Variants in TACR1 observed in about 807,000 individuals in gnomAD.
The protein encoded by TACR1 is substance-P receptor.
A neutral mutation model predicts 35.8 loss-of-function variants in TACR1; 25 were observed. The observed-to-expected ratio is 0.70, with a 90% CI of 0.51 to 0.98. The LOEUF is 0.98. TACR1 is among the 50% of genes least tolerant of loss of function. The pLI, the probability that TACR1 is intolerant of heterozygous loss-of-function variation, is 0.00. For synonymous variants in TACR1, 195 were observed against 206.7 expected (o/e 0.94, Z 0.48); for missense variants, 478 against 522.9 (o/e 0.91, Z 0.84).
At chr2:75,073,599 C>T (rs1473847305) in intron 2 of TACR1, among the ~76,000 whole-genome samples, 1 of 152,154 alleles carries the variant, frequency 6.6e-6, no homozygotes, top group Admixed American at 6.5e-5. Flanking sequence ...ATTTCCTTGG[C>T]TGGTGTCAGG....
At chr2:75,186,331 C>A (rs1254223728) in intron 1 of TACR1, among the ~76,000 whole-genome samples, 1 of 128,916 alleles carries the variant, frequency 7.8e-6, no homozygotes, top group African/African-American at 3.0e-5. Context: ...GAGATCGTGC[C>A]ATTTTACTCC....
At chr2:75,184,133 A>C (rs1675627519) in intron 1 of TACR1, among the ~76,000 whole-genome samples, 1 of 152,242 alleles carries the variant, frequency 6.6e-6, no homozygotes, top group Non-Finnish European at 1.5e-5. Context: ...ATAGTGTGCT[A>C]AAAGGACAAA....
chr2:75,163,278 A>G (rs1675055385), intron 1 of TACR1, among the ~76,000 whole-genome samples: 1 of 152,198 alleles, frequency 6.6e-6, no homozygotes, highest in Non-Finnish European at 1.5e-5. Flanking sequence ...GGCAACTTTT[A>G]TCAATTTTTT....
At chr2:75,095,688 T>C (rs1170379871) in intron 2 of TACR1, among the ~76,000 whole-genome samples, 2 of 152,182 alleles carry the variant, frequency 1.3e-5, no homozygotes, top group Non-Finnish European at 2.9e-5. Flanking sequence ...GCTCGCCTAA[T>C]ATCCAGGAGC....
At chr2:75,175,470 G>T (rs1675389835) in intron 1 of TACR1, among the ~76,000 whole-genome samples, 1 of 152,116 alleles carries the variant, frequency 6.6e-6, no homozygotes, top group African/African-American at 2.4e-5. Flanking sequence ...AGTTTTGCTG[G>T]CTTAAAATAA....
chr2:75,150,823 A>G (rs1674652898), intron 1 of TACR1, among the ~76,000 whole-genome samples: 1 of 152,182 alleles, frequency 6.6e-6, no homozygotes, highest in African/African-American at 2.4e-5. Flanking sequence ...CTTCCTAGAG[A>G]CTTGTTGAAT....
Position 75,175,274 on chromosome 2 carries a change from T to C in TACR1, c.389+23272A>G, listed in dbSNP as rs116454340. The stretch of plus-strand genomic sequence containing the variant: ...GTGGTATTGGTCCTGCACAAGGAAA[T>C]ATTGTCCCACGCCCCAAATGATTTT... On this transcript the variant is annotated intron_variant, in intron 1 of 4. Coordinates refer to ENST00000305249, the MANE Select transcript of TACR1 (RefSeq NM_001058.4). Among the ~76,000 whole-genome samples the C allele has an allele frequency of 2.3e-3, 356 of 152,280 alleles. 2 individuals carry two copies. The highest frequency in any genetic ancestry group is 8.3e-3 in the African/African-American group (346 of 41,564).
intron 2 of TACR1, among the ~76,000 whole-genome samples, chr2:75,071,815 C>G (rs145803769): frequency 6.6e-6 from 1 of 152,314 alleles, no homozygotes; most frequent in East Asian, 1.9e-4. Context: ...CATCAATGCT[C>G]CCTCCTGCTC....
chr2:75,100,392 C>T (rs1673514695), intron 2 of TACR1, among the ~76,000 whole-genome samples: 1 of 152,168 alleles, frequency 6.6e-6, no homozygotes, highest in South Asian at 2.1e-4. Context: ...TCTTTCAAAT[C>T]TTTGTGCATG....
chr2:75,077,781 C>T (rs1355639511), intron 2 of TACR1, among the ~76,000 whole-genome samples: 2 of 152,152 alleles, frequency 1.3e-5, no homozygotes, highest in African/African-American at 4.8e-5. Context: ...GAGCTGTACC[C>T]ATCCCCAGAT....
intron 1 of TACR1, among the ~76,000 whole-genome samples, chr2:75,164,320 C>G (rs1448874833): frequency 1.7e-5 from 2 of 119,602 alleles, no homozygotes; most frequent in Non-Finnish European, 3.5e-5. Context: ...GAGCAAGACT[C>G]CATCTTAAAA....
intron 1 of TACR1, chr2:75,154,564 C>A: frequency 6.6e-6 from 1 of 151,048 alleles, no homozygotes; most frequent in Non-Finnish European, 1.5e-5. Flanking sequence ...AGCACTAACC[C>A]AGCACAGGTG....
intron 1 of TACR1, among the ~76,000 whole-genome samples, chr2:75,196,961 T>C (rs1229754406): frequency 6.6e-6 from 1 of 152,244 alleles, no homozygotes; most frequent in Non-Finnish European, 1.5e-5. Context: ...TATCGACTTT[T>C]TTAAGTTTAA....
At chr2:75,170,293 C>T (rs1418219838) in intron 1 of TACR1, among the ~76,000 whole-genome samples, 1 of 152,212 alleles carries the variant, frequency 6.6e-6, no homozygotes, top group Non-Finnish European at 1.5e-5. Flanking sequence ...TACATAAGCT[C>T]TCTTGCCTGT....
intron 3 of TACR1, 113 bp downstream of exon 3, chr2:75,053,492 A>G: frequency 1.5e-6 from 2 of 1,321,988 alleles, no homozygotes; most frequent in South Asian, 2.0e-5. Context: ...GTTGCTCCCC[A>G]TACCTGGGGA....
At chr2:75,180,783 A>G (rs1477744368) in intron 1 of TACR1, among the ~76,000 whole-genome samples, 1 of 152,168 alleles carries the variant, frequency 6.6e-6, no homozygotes, top group African/African-American at 2.4e-5. Context: ...CTCCAAACTA[A>G]TGAACTAAAT....
intron 1 of TACR1, among the ~76,000 whole-genome samples, chr2:75,145,319 T>C (rs1674485223): frequency 6.6e-6 from 1 of 152,148 alleles, no homozygotes; most frequent in Non-Finnish European, 1.5e-5. Flanking sequence ...GGTCTGTCTG[T>C]GAGTCAGAAA....
chr2:75,162,043 CA>C lies in TACR1; in HGVS notation c.389+36502del, dbSNP rs35438025. ...AGATGCTAACAAGTATTGACTCTTC[CA>C]AAAAAAAAAAAAAAAAAAAGAAGTG... On this transcript the variant is annotated intron_variant, in intron 1 of 4. Coordinates refer to ENST00000305249, the MANE Select transcript of TACR1 (RefSeq NM_001058.4). Among the ~76,000 whole-genome samples the C allele has an allele frequency of 5.4e-4, 51 of 94,178 alleles. 1 individual carries two copies. Among genetic ancestry groups the C allele is most frequent in the African/African-American group, 8.2e-4 (20 of 24,514 alleles). The allele number at this position is 94,178 out of a possible 152,430, so 61.8% of individuals were successfully genotyped here.
intron 1 of TACR1, among the ~76,000 whole-genome samples, chr2:75,134,738 T>C (rs3771827): frequency 0.43 from 64,645 of 152,098 alleles, 14,773 homozygotes; most frequent in Non-Finnish European, 0.51. Context: ...GTCAGTATTG[T>C]ATCTTCTATT....
Sources: allele counts gnomAD v4.1 joint callset (sites outside exome capture counted in the v4.1 genomes callset), GRCh38; gene constraint gnomAD v4.1.1; transcripts MANE v1.5; gene names NCBI Gene and HGNC (gene_info 2026-07-23, HGNC 2026-07-21).